The following GCSAML variants were observed in gnomAD, a reference collection of about 807,000 sequenced individuals.
GCSAML encodes the protein germinal center-associated signaling and motility-like protein.
In GCSAML, 9 loss-of-function variants were observed where a neutral mutation model predicts 13.0. The observed-to-expected ratio is 0.69, with a 90% CI of 0.42 to 1.21. GCSAML has a LOEUF of 1.21. Ranked by LOEUF, GCSAML falls within the 50% of genes most tolerant of loss-of-function variation. GCSAML has a pLI of 0.00. For synonymous variants in GCSAML, 37 were observed against 52.9 expected, an observed-to-expected ratio of 0.70 and a Z score of 1.31; for missense variants, 143 against 153.4, an observed-to-expected ratio of 0.93 and a Z score of 0.36.
At chr1:247,551,666 A>G (rs1362300752) in intron 1 of GCSAML, among the ~76,000 whole-genome samples, 1 of 152,240 alleles carries the variant, frequency 6.6e-6, no homozygotes, top group Non-Finnish European at 1.5e-5. Flanking sequence ...AAGGCAGATT[A>G]ATAGGACAAA....
upstream of GCSAML, among the ~76,000 whole-genome samples, chr1:247,548,498 T>C (rs191679536): frequency 2.0e-5 from 3 of 152,366 alleles, 1 homozygote; most frequent in East Asian, 1.9e-4. This position sits in a 1 kb window ranked among gnomAD's most constrained non-coding sequence, Gnocchi z 5.3. Flanking sequence ...TCCTTTTTTT[T>C]CCTTTTTCTT....
At chr1:247,517,796 A>G (rs1475383762) in intron 1 of GCSAML, among the ~76,000 whole-genome samples, 1 of 152,186 alleles carries the variant, frequency 6.6e-6, no homozygotes, top group Non-Finnish European at 1.5e-5. Flanking sequence ...AGGACAGAAC[A>G]ACACGTGCCA....
At chr1:247,515,937 T>A (rs557902359) in intron 1 of GCSAML, among the ~76,000 whole-genome samples, 1 of 152,146 alleles carries the variant, frequency 6.6e-6, no homozygotes, top group Non-Finnish European at 1.5e-5. Flanking sequence ...CACCTACACA[T>A]AGTTAGCTGA....
At chr1:247,571,530 C>T (rs555316856) in intron 4 of GCSAML, among the ~76,000 whole-genome samples, 1 of 152,158 alleles carries the variant, frequency 6.6e-6, no homozygotes, top group African/African-American at 2.4e-5. Flanking sequence ...TATTGGCCCC[C>T]ACTCTCTTCT....
At chr1:247,532,225 C>T in intron 2 of GCSAML, 1 of 1,614,210 alleles carries the variant, frequency 6.2e-7, no homozygotes, top group South Asian at 1.1e-5. Context: ...CACACACCCT[C>T]CATAGCTTAT....
intron 1 of GCSAML, among the ~76,000 whole-genome samples, chr1:247,517,700 C>T (rs2178359): frequency 6.6e-5 from 10 of 152,256 alleles, no homozygotes; most frequent in Admixed American, 3.9e-4. Context: ...CTTTACTTAA[C>T]GTCTTGCCCT....
chr1:247,556,791 A>G (rs184013299), intron 2 of GCSAML, among the ~76,000 whole-genome samples: 1 of 152,340 alleles, frequency 6.6e-6, no homozygotes, highest in East Asian at 1.9e-4. Flanking sequence ...AGTAGCCAGA[A>G]TAATCTTTGG....
At chr1:247,522,353 C>T (rs1279881961) in intron 1 of GCSAML, among the ~76,000 whole-genome samples, 3 of 151,416 alleles carry the variant, frequency 2.0e-5, no homozygotes, top group African/African-American at 4.8e-5. Context: ...CGCCTCTGCC[C>T]GGCCGCCCCT....
chr1:247,558,869 T>C (rs968180496), intron 2 of GCSAML, among the ~76,000 whole-genome samples: 1 of 152,020 alleles, frequency 6.6e-6, no homozygotes, highest in African/African-American at 2.4e-5. Flanking sequence ...AATATTGTTT[T>C]ATAGTCTTGA....
intron 4 of GCSAML, among the ~76,000 whole-genome samples, chr1:247,572,816 CTT>C (rs1462016883): frequency 6.6e-6 from 1 of 152,152 alleles, no homozygotes; most frequent in East Asian, 1.9e-4. Flanking sequence ...ACAGCCTTTC[CTT>C]CTGTAAGCCC....
In GCSAML at chr1:247,563,569, T is replaced by G. The variant is rs753900029; in HGVS notation, c.90-21T>G. ...TTTGGAGAACCTGGAGTATCTCATG[T>G]TACTATCTCTTTCCTTGTAGGCAGG... On this transcript the variant is annotated intron_variant, in intron 2 of 4. Transcript: ENST00000366488. The G allele has an allele frequency of 2.6e-6, 4 of 1,519,152 alleles. No individual in the cohort carries two copies. The African/African-American group carries it at 5.5e-5, about 21-fold the overall frequency. 94.1% of individuals were successfully genotyped at this position (1,519,152 alleles called of 1,614,324 possible).
intron 2 of GCSAML, among the ~76,000 whole-genome samples, chr1:247,536,868 T>TA (rs1667237120): frequency 6.6e-6 from 1 of 152,176 alleles, no homozygotes; most frequent in African/African-American, 2.4e-5. Flanking sequence ...GACTCTTTTT[T>TA]TAAAAAAACC....
chr1:247,510,728 T>C (rs1302130938), intron 1 of GCSAML, among the ~76,000 whole-genome samples: 1 of 152,210 alleles, frequency 6.6e-6, no homozygotes, highest in Non-Finnish European at 1.5e-5. Context: ...AAAGAACTTA[T>C]TACTTCTGCC....
chr1:247,530,927 G>T (rs894635488), intron 2 of GCSAML: 1 of 152,524 alleles, frequency 6.6e-6, no homozygotes, highest in Admixed American at 6.5e-5. Flanking sequence ...GCGGCTCGGC[G>T]CGGTCTTGGT....
At chr1:247,565,907 T>TC (rs748593413) in intron 3 of GCSAML, 24 bp from the exon 4 acceptor site, 107 of 1,269,756 alleles carry the variant, frequency 8.4e-5, no homozygotes, top group African/African-American at 1.1e-4. Flanking sequence ...TTTCTTTCTT[T>TC]TTTTTTTTTT....
At chr1:247,510,561 T>C (rs1457502270) in intron 1 of GCSAML, among the ~76,000 whole-genome samples, 1 of 152,186 alleles carries the variant, frequency 6.6e-6, no homozygotes, top group Non-Finnish European at 1.5e-5. Context: ...TTGTTTGCTG[T>C]TGCTTCTCTA....
intron 2 of GCSAML, among the ~76,000 whole-genome samples, chr1:247,535,040 G>T (rs1176888774): frequency 6.6e-6 from 1 of 152,076 alleles, no homozygotes; most frequent in Admixed American, 6.5e-5. Context: ...AGCCGGGGGC[G>T]GTGGCTCATG....
chr1:247,531,686 C>A, intron 2 of GCSAML: 1 of 1,614,174 alleles, frequency 6.2e-7, no homozygotes, highest in Non-Finnish European at 8.5e-7. Flanking sequence ...TAGAACAGAG[C>A]TATGAACTTG....
chr1:247,569,525 T>C (rs1157705694), intron 4 of GCSAML, among the ~76,000 whole-genome samples: 1 of 152,240 alleles, frequency 6.6e-6, no homozygotes, highest in Non-Finnish European at 1.5e-5. Context: ...TTTGTGTATG[T>C]TGAACCAGTC....
Sources: allele counts gnomAD v4.1 joint callset (sites outside exome capture counted in the v4.1 genomes callset), GRCh38; gene constraint gnomAD v4.1.1; non-coding constraint Gnocchi (gnomAD v3.1); transcripts MANE v1.5; gene names NCBI Gene and HGNC (gene_info 2026-07-23, HGNC 2026-07-21).